HORMAD2: variants seen among roughly 807,000 people sequenced by gnomAD.
HORMAD2 encodes HORMA domain containing 2.
A neutral mutation model predicts 38.8 loss-of-function variants in HORMAD2; 45 were observed. The ratio of observed to expected loss-of-function variants is 1.16; its 90% CI spans 0.91 to 1.49. HORMAD2 has a LOEUF of 1.49. Ranked by LOEUF, HORMAD2 falls within the 40% of genes most tolerant of loss-of-function variation. HORMAD2 has a pLI of 0.00. For synonymous variants in HORMAD2, 126 were observed against 122.8 expected, an observed-to-expected ratio of 1.03 and a Z score of -0.17; for missense variants, 338 against 367.0, an observed-to-expected ratio of 0.92 and a Z score of 0.65.
At chr22:30,148,491 G>A (rs1282078832) in intron 10 of HORMAD2, among the ~76,000 whole-genome samples, 2 of 152,080 alleles carry the variant, frequency 1.3e-5, no homozygotes, top group Non-Finnish European at 2.9e-5. Flanking sequence ...AAAATGCAAA[G>A]AAAACATCCA....
chr22:30,142,370 A>G (rs967038945), intron 10 of HORMAD2, among the ~76,000 whole-genome samples: 1 of 152,146 alleles, frequency 6.6e-6, no homozygotes, highest in Non-Finnish European at 1.5e-5. Context: ...TACTGGGTAT[A>G]GTGTTCTATA....
chr22:30,079,943 G>A (rs1243911255), upstream of HORMAD2, among the ~76,000 whole-genome samples: 1 of 152,188 alleles, frequency 6.6e-6, no homozygotes, highest in African/African-American at 2.4e-5. Flanking sequence ...GCCTCCCAGA[G>A]TGCTGGGATC....
At chr22:30,085,266 C>G (rs540917910) in intron 1 of HORMAD2, among the ~76,000 whole-genome samples, 1 of 151,970 alleles carries the variant, frequency 6.6e-6, no homozygotes, top group Non-Finnish European at 1.5e-5. Flanking sequence ...TGGTTTCCAG[C>G]GGCTGGGGAA....
At chr22:30,207,065 G>A in the HORMAD2 span, 31 of 470,686 alleles carry the variant, frequency 6.6e-5, no homozygotes, top group Middle Eastern at 6.4e-4. Context: ...TGAGTCAGTT[G>A]GAATGTTTGG....
downstream of HORMAD2, among the ~76,000 whole-genome samples, chr22:30,179,106 A>T (rs1004224007): frequency 2.6e-5 from 4 of 152,190 alleles, no homozygotes; most frequent in Non-Finnish European, 5.9e-5. Context: ...GCCAACTTTA[A>T]TGTATCTTAA....
chr22:30,199,807 T>G, the HORMAD2 span, among the ~76,000 whole-genome samples: 1 of 151,654 alleles, frequency 6.6e-6, no homozygotes. Flanking sequence ...GCTTCATCAG[T>G]GATGATGACG....
downstream of HORMAD2, among the ~76,000 whole-genome samples, chr22:30,180,609 T>C (rs961523912): frequency 2.0e-5 from 3 of 152,196 alleles, no homozygotes; most frequent in African/African-American, 7.2e-5. Flanking sequence ...ATCTGAATAA[T>C]AATTACACCT....
intron 10 of HORMAD2, among the ~76,000 whole-genome samples, chr22:30,166,361 A>G (rs977120471): frequency 2.0e-5 from 3 of 152,172 alleles, no homozygotes; most frequent in Admixed American, 6.5e-5. Flanking sequence ...TGTATCTGTG[A>G]TGTCAAATAG....
intron 7 of HORMAD2, among the ~76,000 whole-genome samples, chr22:30,116,238 T>C (rs1389169482): frequency 1.3e-5 from 2 of 152,060 alleles, no homozygotes; most frequent in Non-Finnish European, 2.9e-5. Context: ...TGGCCAGAGA[T>C]AAGGTTAGAG....
At chr22:30,115,161 C>T (rs1224655123) in intron 7 of HORMAD2, among the ~76,000 whole-genome samples, 2 of 152,090 alleles carry the variant, frequency 1.3e-5, no homozygotes, top group African/African-American at 4.8e-5. Context: ...GGCTCTCCCT[C>T]CATCACCCAG....
At chr22:30,096,319 G>A (rs1025640128) in intron 2 of HORMAD2, among the ~76,000 whole-genome samples, 6 of 152,090 alleles carry the variant, frequency 3.9e-5, no homozygotes, top group South Asian at 2.1e-4. Context: ...ATAAGTCATA[G>A]GATATGTGTA....
In HORMAD2 at chr22:30,091,895, G is replaced by T. The variant is rs1265732674; in HGVS notation, c.-37-2021G>T. Among the ~76,000 whole-genome samples, 4 of 151,052 alleles carry T rather than the reference G, an allele frequency of 2.6e-5. No individual in the cohort carries two copies. The East Asian group carries it at 7.8e-4, about 30-fold the overall frequency. ...TTTATTTTATTTCATTTCATTTTTT[G>T]AGATGGAGTCTTGCTCTGTTGCCCA... is the stretch of plus-strand genomic sequence containing the variant. On this transcript the variant is annotated intron_variant, in intron 1 of 10. Transcript: ENST00000336726.
intron 5 of HORMAD2, among the ~76,000 whole-genome samples, chr22:30,108,896 TTC>T (rs374405468): frequency 3.3e-5 from 5 of 152,158 alleles, no homozygotes; most frequent in Admixed American, 6.5e-5. Context: ...TTTTTTTCTT[TTC>T]TCTTTCTTTC....
At chr22:30,079,142 C>G (rs1369846062), upstream of HORMAD2, among the ~76,000 whole-genome samples, 1 of 151,672 alleles carries the variant, frequency 6.6e-6, no homozygotes, top group African/African-American at 2.4e-5. Flanking sequence ...CCTGCAGAAA[C>G]AAAATAAGAA....
intron 1 of HORMAD2, among the ~76,000 whole-genome samples, chr22:30,090,082 G>A (rs941910593): frequency 2.0e-5 from 3 of 152,190 alleles, no homozygotes; most frequent in Non-Finnish European, 4.4e-5. Context: ...TTGAATAGGG[G>A]TCGGGTGTGG....
At chr22:30,175,240 T>TATATAATATAATATAGAATATATATAATA (rs1406739687) in intron 10 of HORMAD2, among the ~76,000 whole-genome samples, 4 of 142,902 alleles carry the variant, frequency 2.8e-5, no homozygotes, top group Admixed American at 7.3e-5. Context: ...GAATATATTA[T>TATATAATATAATATAGAATATATATAATA]ATATAATATA....
intron 10 of HORMAD2, among the ~76,000 whole-genome samples, chr22:30,142,487 G>T (rs1414789831): frequency 6.6e-6 from 1 of 152,008 alleles, no homozygotes; most frequent in Non-Finnish European, 1.5e-5. Context: ...CGCTATTATT[G>T]TTGAATTGTC....
chr22:30,097,591 G>A (rs1460917243), intron 2 of HORMAD2, among the ~76,000 whole-genome samples: 1 of 152,144 alleles, frequency 6.6e-6, no homozygotes, highest in Non-Finnish European at 1.5e-5. Context: ...TAGATGAATA[G>A]CCACAATTCC....
chr22:30,105,732 A>G (rs1312829172), intron 5 of HORMAD2, among the ~76,000 whole-genome samples: 1 of 152,230 alleles, frequency 6.6e-6, no homozygotes, highest in Non-Finnish European at 1.5e-5. Flanking sequence ...GCTGTTACAT[A>G]CTGACTCAGC....
Sources: gnomAD v4.1 joint callset for allele counts (sites outside exome capture counted in the v4.1 genomes callset) on GRCh38, gnomAD v4.1.1 for gene constraint, MANE v1.5 for transcripts, NCBI Gene and HGNC (gene_info 2026-07-23, HGNC 2026-07-21) for gene names.